Variants in TBC1D22A observed in about 807,000 individuals in gnomAD.
TBC1D22A encodes the protein TBC1 domain family member 22A.
In TBC1D22A, 38 loss-of-function variants were observed where a neutral mutation model predicts 60.2. That is an observed-to-expected ratio of 0.63 (90% confidence interval 0.49 to 0.83). The LOEUF is 0.83. Among genes scored for constraint, TBC1D22A ranks in the 40% least tolerant of loss-of-function variants. The probability of loss-of-function intolerance (pLI) is 0.00; values close to 1 mark genes in which losing one functional copy is unlikely to be tolerated. For synonymous variants in TBC1D22A, 302 were observed against 281.7 expected, an observed-to-expected ratio of 1.07 and a Z score of -0.72; for missense variants, 628 against 701.0, an observed-to-expected ratio of 0.90 and a Z score of 1.18.
intron 9 of TBC1D22A, among the ~76,000 whole-genome samples, chr22:46,980,904 T>C (rs1275322586): frequency 1.3e-5 from 2 of 152,180 alleles, no homozygotes. Context: ...AAAAGTAGAA[T>C]AATGTGTCTC....
chr22:46,792,383 G>T (rs1233355386), intron 1 of TBC1D22A, 137 bp from the exon 2 acceptor site: 2 of 1,178,006 alleles, frequency 1.7e-6, no homozygotes, highest in South Asian at 2.6e-5. Flanking sequence ...GGCTGCAGGG[G>T]GGCCTGCGAC....
At chr22:46,883,345 A>G (rs1294279914) in intron 5 of TBC1D22A, among the ~76,000 whole-genome samples, 1 of 152,240 alleles carries the variant, frequency 6.6e-6, no homozygotes, top group Non-Finnish European at 1.5e-5. Flanking sequence ...ATAGCATGCT[A>G]ATACAGCAAT....
chr22:47,022,444 CAG>C (rs1160837518), intron 10 of TBC1D22A, among the ~76,000 whole-genome samples: 1 of 151,932 alleles, frequency 6.6e-6, no homozygotes, highest in Non-Finnish European at 1.5e-5. Flanking sequence ...TTAGACAGAA[CAG>C]GGAGTCTGGG....
chr22:46,940,561 TACAC>T (rs371096419), intron 8 of TBC1D22A, among the ~76,000 whole-genome samples: 3 of 138,892 alleles, frequency 2.2e-5, no homozygotes, highest in South Asian at 2.3e-4. Context: ...TGTGTATGTA[TACAC>T]ACACACACAC....
At chr22:47,163,190 G>A (rs551370953) in intron 12 of TBC1D22A, among the ~76,000 whole-genome samples, 1 of 152,124 alleles carries the variant, frequency 6.6e-6, no homozygotes, top group Non-Finnish European at 1.5e-5. Context: ...CCCAGACAGA[G>A]GGACAGGAGG....
At chr22:47,007,834 A>G (rs1015292701) in intron 10 of TBC1D22A, among the ~76,000 whole-genome samples, 4 of 152,182 alleles carry the variant, frequency 2.6e-5, no homozygotes, top group African/African-American at 9.7e-5. Context: ...TAGAAGCCCC[A>G]TCTCCAGATA....
chr22:47,056,838 C>T (rs1271539288), intron 11 of TBC1D22A, among the ~76,000 whole-genome samples: 4 of 152,276 alleles, frequency 2.6e-5, no homozygotes, highest in South Asian at 2.1e-4. Context: ...AGTGGGGTCA[C>T]GGCATTTTAC....
intron 4 of TBC1D22A, among the ~76,000 whole-genome samples, chr22:46,803,087 G>A (rs895585955): frequency 2.6e-5 from 4 of 152,016 alleles, no homozygotes; most frequent in Admixed American, 2.6e-4. Context: ...TGCTCCCATG[G>A]TTACAGCCAC....
At chr22:46,915,532 A>C (rs965131486) in intron 8 of TBC1D22A, 5 of 456,500 alleles carry the variant, frequency 1.1e-5, no homozygotes, top group African/African-American at 6.0e-5. Context: ...GGGTGTGGCT[A>C]CCTCCTGAGA....
At chr22:47,033,557 C>T (rs561300846) in intron 10 of TBC1D22A, among the ~76,000 whole-genome samples, 15 of 152,252 alleles carry the variant, frequency 9.9e-5, no homozygotes, top group Admixed American at 7.2e-4. Context: ...CCAGCTCACA[C>T]CCCAGGGTGG....
chr22:47,038,043 A>G (rs973859791), intron 11 of TBC1D22A, among the ~76,000 whole-genome samples: 1 of 152,230 alleles, frequency 6.6e-6, no homozygotes, highest in African/African-American at 2.4e-5. Flanking sequence ...TGAGTGTCCC[A>G]TCACTTATTC....
chr22:46,894,339 T>G (rs897245107), intron 6 of TBC1D22A, among the ~76,000 whole-genome samples: 1 of 152,224 alleles, frequency 6.6e-6, no homozygotes, highest in Non-Finnish European at 1.5e-5. Context: ...AGAAATGTTC[T>G]AGATTCCCCC....
At chr22:47,117,629 C>T (rs538931170) in intron 12 of TBC1D22A, among the ~76,000 whole-genome samples, 38 of 152,244 alleles carry the variant, frequency 2.5e-4, no homozygotes, top group African/African-American at 6.7e-4. Flanking sequence ...TGGCAGCGGC[C>T]GCAGGAGCGA....
intron 7 of TBC1D22A, among the ~76,000 whole-genome samples, chr22:46,905,847 G>A (rs5769228): frequency 0.31 from 46,479 of 152,076 alleles, 7,876 homozygotes; most frequent in East Asian, 0.62. Flanking sequence ...TGTCCCAGAC[G>A]TTCTCTGTTT....
intron 1 of TBC1D22A, chr22:46,764,037 T>A (rs932179050): frequency 1.3e-5 from 2 of 152,090 alleles, no homozygotes; most frequent in Non-Finnish European, 2.9e-5. Context: ...GAGGTTGCAG[T>A]GAGCCGAGAT....
At chr22:47,152,156 G>A (rs980655603) in intron 12 of TBC1D22A, among the ~76,000 whole-genome samples, 1 of 152,236 alleles carries the variant, frequency 6.6e-6, no homozygotes, top group Non-Finnish European at 1.5e-5. Context: ...TCCTGGTTAA[G>A]TGCTCTGAGA....
chr22:47,083,393 A>G (rs948103294), intron 11 of TBC1D22A, among the ~76,000 whole-genome samples: 3 of 151,964 alleles, frequency 2.0e-5, no homozygotes, highest in Non-Finnish European at 4.4e-5. Flanking sequence ...GAGTCAAAAC[A>G]TGAACCCAAA....
intron 4 of TBC1D22A, among the ~76,000 whole-genome samples, chr22:46,817,666 T>C (rs1329883208): frequency 6.6e-6 from 1 of 152,196 alleles, no homozygotes; most frequent in Non-Finnish European, 1.5e-5. Flanking sequence ...TGATGGGCAT[T>C]TGGGTTGGTT....
intron 11 of TBC1D22A, among the ~76,000 whole-genome samples, chr22:47,048,304 C>A (rs1052244366): frequency 2.0e-5 from 3 of 152,178 alleles, no homozygotes; most frequent in African/African-American, 7.2e-5. Context: ...AGCCCAGGGT[C>A]ACCCATGGTT....
Sources: gnomAD v4.1 joint callset for allele counts (sites outside exome capture counted in the v4.1 genomes callset) on GRCh38, gnomAD v4.1.1 for gene constraint, MANE v1.5 for transcripts, NCBI Gene and HGNC (gene_info 2026-07-23, HGNC 2026-07-21) for gene names.